The following ADAM8 variants were observed in gnomAD, a reference collection of about 807,000 sequenced individuals.
The protein encoded by ADAM8 is ADAM metallopeptidase domain 8.
A neutral mutation model predicts 102.4 loss-of-function variants in ADAM8; 104 were observed. The observed-to-expected ratio is 1.02, with a 90% CI of 0.87 to 1.20. The LOEUF (loss-of-function observed/expected upper bound fraction) is 1.20. ADAM8 is among the 50% of genes most tolerant of loss of function. The pLI is 0.00. For missense variants in ADAM8, 1,132 were observed against 1,159.0 expected (o/e 0.98, Z 0.34); for synonymous variants, 517 against 485.2 (o/e 1.07, Z -0.86).
At chr10:133,271,330 C>T (rs909326419) in intron 12 of ADAM8, 41 bp from the exon 13 acceptor site, 7 of 1,588,404 alleles carry the variant, frequency 4.4e-6, no homozygotes, top group South Asian at 1.1e-5. Context: ...GCACTGGGGC[C>T]GGGCTGGGCT....
chr10:133,272,362 C>G (rs957613426), intron 9 of ADAM8, 54 bp downstream of exon 9: 5 of 1,184,564 alleles, frequency 4.2e-6, no homozygotes, highest in Non-Finnish European at 4.7e-6. Flanking sequence ...TCCACCCCAC[C>G]CTGCCCGCCC....
In ADAM8 at chr10:133,268,650, G is replaced by A. The variant is rs756439504; in HGVS notation, c.2063+98C>T. 69 of 1,338,718 alleles carry A rather than the reference G, an allele frequency of 5.2e-5. No homozygotes were observed. In the Middle Eastern group the frequency reaches 9.4e-4, roughly 18 times the overall value. 82.9% of individuals were successfully genotyped at this position (1,338,718 alleles called of 1,614,324 possible). ...GGGGCACAGAGGAGCCTGGGTGTCCGTGCCGTCCACCATGGGCCCGTGCTG... is the reference window on the plus strand; with the variant it reads ...GGGGCACAGAGGAGCCTGGGTGTCCATGCCGTCCACCATGGGCCCGTGCTG... On this transcript the variant is annotated intron_variant, in intron 19 of 22. Coordinates refer to ENST00000445355, the MANE Select transcript of ADAM8 (RefSeq NM_001109.5).
chr10:133,268,182 A>G lies in ADAM8; in HGVS notation c.2064-64T>C. On this transcript the variant is annotated intron_variant, in intron 19 of 22. Transcript: ENST00000445355. ...CATGGGGCCCCAGCACCACACCCCGAGTCTCTCCCTCCCAGCTCCAGCCGA... is the reference window on the plus strand; with the variant it reads ...CATGGGGCCCCAGCACCACACCCCGGGTCTCTCCCTCCCAGCTCCAGCCGA... 3 of 1,226,940 alleles carry G rather than the reference A, an allele frequency of 2.4e-6. No individual in the cohort carries two copies. In the Admixed American group the frequency reaches 1.2e-4, roughly 50 times the overall value. The allele number at this position is 1,226,940 out of a possible 1,614,324, so 76.0% of individuals were successfully genotyped here.
chr10:133,264,343 G>A (rs941247374), intron 21 of ADAM8, among the ~76,000 whole-genome samples: 2 of 152,224 alleles, frequency 1.3e-5, no homozygotes, highest in Non-Finnish European at 2.9e-5. Flanking sequence ...TTACAGGCAT[G>A]AGCCAATGCG....
Position 133,273,770 on chromosome 10 carries a change from G to C in ADAM8, c.375C>G (p.Ala125=), listed in dbSNP as rs545319450. 2.6e-6 allele frequency: 4 copies of C among 1,548,272 alleles called. No individual in the cohort carries two copies. The highest frequency in any genetic ancestry group is 3.5e-6 in the Non-Finnish European group (4 of 1,146,628). ...PDSAASLSTC[A]GLRGFFQVGS... is the part of the protein sequence containing the mutation. ...TCGTCCGCCACACCCACCTGAGGCC[G>C]GCACAGGTGCTGAGGCTGGCGGCTG... is the stretch of plus-strand genomic sequence containing the variant. Residue 125 remains alanine, a synonymous_variant, in exon 5 of 23, where the codon GCC becomes GCG. Coordinates refer to ENST00000445355, the MANE Select transcript of ADAM8 (RefSeq NM_001109.5).
At chr10:133,275,044 A>C in intron 2 of ADAM8, 1 of 279,224 alleles carries the variant, frequency 3.6e-6, no homozygotes, top group Non-Finnish European at 7.0e-6. Context: ...ACACCCACCC[A>C]CTCAGGCTTC....
intron 4 of ADAM8, 22 bp from the exon 5 acceptor site, chr10:133,273,860 G>T: frequency 5.2e-6 from 8 of 1,549,468 alleles, no homozygotes; most frequent in Non-Finnish European, 7.0e-6. Context: ...GCAGGAGAGG[G>T]GTCCACAGGC....
In ADAM8 at chr10:133,263,719, C is replaced by G; in HGVS notation, c.2366G>C (p.Gly789Ala). Residue 789 changes from glycine (G) to alanine (A), a missense_variant, in exon 22 of 23, where the codon GGG becomes GCG. Transcript: ENST00000445355. Reference sequence around the variant, plus strand: ...TGGACCAGGGTTGGCCGCACCAGCCCCGGGTTTGACTGGGGGCACTGGGGG... The same window carrying G: ...TGGACCAGGGTTGGCCGCACCAGCCGCGGGTTTGACTGGGGGCACTGGGGG... The part of the protein sequence containing the change: ...FAPPVPPVKP[G>A]AGAANPGPAE... 6.4e-7 allele frequency: 1 copy of G among 1,552,936 alleles called. No individual in the cohort carries two copies. The highest frequency in any genetic ancestry group is 8.7e-7 in the Non-Finnish European group (1 of 1,149,780).
chr10:133,274,818 C>T (rs1219456977), intron 2 of ADAM8: 1 of 429,204 alleles, frequency 2.3e-6, no homozygotes, highest in Non-Finnish European at 4.7e-6. Flanking sequence ...GCAGAGCCTC[C>T]TGCTGGACCA....
chr10:133,271,571 A>T lies in ADAM8; in HGVS notation c.1241T>A (p.Leu414Gln). 1.3e-6 allele frequency: 2 copies of T among 1,560,020 alleles called. No homozygotes were observed. Among genetic ancestry groups the T allele is most frequent in the African/African-American group, 2.7e-5 (2 of 74,170 alleles). ...HLVGGPVCGN[L>Q]FVERGEQCDC... ...GCACTGCTCCCCACGCTCCACAAAC[A>T]GGTTCCCACACACGGGGCCGCCCAC... Residue 414 changes from leucine (L) to glutamine (Q), a missense_variant, in exon 12 of 23, where the codon CTG becomes CAG. Transcript: ENST00000445355.
Position 133,268,851 on chromosome 10 carries a change from G to A in ADAM8, c.1960C>T (p.Leu654Phe), listed in dbSNP as rs1004719345. 1 of 1,607,074 alleles carries A rather than the reference G, an allele frequency of 6.2e-7. No homozygotes were observed. Among genetic ancestry groups the A allele is most frequent in the Non-Finnish European group, 8.5e-7 (1 of 1,179,708 alleles). The change falls in exon 19 of 23, where the codon CTC (leucine) becomes TTC (phenylalanine). Residue 654 changes from leucine to phenylalanine, a missense_variant. By Grantham distance (22) the Leu-to-Phe change is conservative (BLOSUM62 0). Transcript: ENST00000445355. ...LTEVHAASGS[L>F]PVFVVVVLVL... Reference sequence around the variant, plus strand: ...AGAACCACCACCACGAAGACGGGGAGGCTCCCGGACGCTGTGGGACACACG... The same window carrying A: ...AGAACCACCACCACGAAGACGGGGAAGCTCCCGGACGCTGTGGGACACACG...
At chr10:133,274,827 C>T (rs1250959901) in intron 2 of ADAM8, 2 of 432,808 alleles carry the variant, frequency 4.6e-6, no homozygotes, top group African/African-American at 2.1e-5. Context: ...CCTGCTGGAC[C>T]ACTGCATCTC....
At chr10:133,267,787 C>T (rs1440866035) in intron 20 of ADAM8, 142 bp downstream of exon 20, 3 of 886,368 alleles carry the variant, frequency 3.4e-6, no homozygotes, top group South Asian at 5.5e-5. Context: ...ACCACAGCAG[C>T]TGCTCTGGGC....
At chr10:133,269,849 G>A (rs1228239267) in intron 17 of ADAM8, 48 bp downstream of exon 17, 16 of 1,588,730 alleles carry the variant, frequency 1.0e-5, no homozygotes, top group Admixed American at 3.3e-5. Flanking sequence ...GGCTCCCTCA[G>A]AGCGGCAGCC....
chr10:133,263,608 C>T, intron 22 of ADAM8, 80 bp downstream of exon 22: 7 of 1,415,754 alleles, frequency 4.9e-6, no homozygotes, highest in Non-Finnish European at 4.7e-6. Flanking sequence ...CCCTCCAGGG[C>T]AGTGCCACCG....
At chr10:133,275,411 A>G in intron 2 of ADAM8, 73 bp downstream of exon 2, 1 of 1,189,294 alleles carries the variant, frequency 8.4e-7, no homozygotes, top group Admixed American at 2.4e-5. Flanking sequence ...CACTTTCTGT[A>G]AGCTAAAGCT....
In ADAM8 at chr10:133,272,449, C is replaced by T. The variant is rs143050342; in HGVS notation, c.842G>A (p.Arg281Gln). The part of the protein sequence containing the change: ...LLTWQARQRT[R>Q]RHLHDNVQLI... ...CTGTACGTTGTCATGCAGGTGCCGCCGTGTCCGTTGCCGTGCCTGCCAGGT... is the reference window on the plus strand; with the variant it reads ...CTGTACGTTGTCATGCAGGTGCCGCTGTGTCCGTTGCCGTGCCTGCCAGGT... The change falls in exon 9 of 23, where the codon CGG (arginine) becomes CAG (glutamine). Residue 281 changes from arginine to glutamine, a missense_variant. By Grantham distance (43) the Arg-to-Gln change is conservative. Coordinates refer to ENST00000445355, the MANE Select transcript of ADAM8 (RefSeq NM_001109.5). 27 of 1,610,744 alleles carry T rather than the reference C, an allele frequency of 1.7e-5. No homozygotes were observed. Among genetic ancestry groups the T allele is most frequent in the African/African-American group, 9.4e-5 (7 of 74,706 alleles).
At chr10:133,265,906 A>G (rs537329910) in intron 21 of ADAM8, among the ~76,000 whole-genome samples, 2 of 152,316 alleles carry the variant, frequency 1.3e-5, no homozygotes, top group Middle Eastern at 3.4e-3. Context: ...CTTAAGGTTC[A>G]AAGAGTCTCA....
At chr10:133,270,837 A>C in intron 14 of ADAM8, 32 bp from the exon 15 acceptor site, 3 of 1,610,602 alleles carry the variant, frequency 1.9e-6, no homozygotes, top group Non-Finnish European at 2.5e-6. Flanking sequence ...AGCCCTGGCA[A>C]GGCCTGCAGC....
Sources: allele counts gnomAD v4.1 joint callset (sites outside exome capture counted in the v4.1 genomes callset), GRCh38; gene constraint gnomAD v4.1.1; transcripts MANE v1.5; gene names NCBI Gene and HGNC (gene_info 2026-07-23, HGNC 2026-07-21).